The following CHCHD3 variants were observed in gnomAD, a reference collection of about 807,000 sequenced individuals.
CHCHD3 encodes coiled-coil-helix-coiled-coil-helix domain containing 3.
In CHCHD3, 20 loss-of-function variants were observed where a neutral mutation model predicts 38.2. That is an observed-to-expected ratio of 0.52 (90% CI 0.37 to 0.76). The LOEUF (loss-of-function observed/expected upper bound fraction) is 0.76, where lower values mean the gene tolerates loss of function less well. Ranked by LOEUF, CHCHD3 falls within the 30% of genes least tolerant of loss-of-function variation. The probability of loss-of-function intolerance (pLI) is 0.00; values close to 1 mark genes in which losing one functional copy is unlikely to be tolerated. For synonymous variants in CHCHD3, 82 were observed against 100.0 expected (o/e 0.82, Z 1.07); for missense variants, 245 against 279.2 (o/e 0.88, Z 0.87).
At chr7:133,034,626 T>G (rs751373055) in intron 2 of CHCHD3, 2 of 1,601,446 alleles carry the variant, frequency 1.2e-6, no homozygotes, top group Non-Finnish European at 1.7e-6. Flanking sequence ...GATCTTGCCG[T>G]GATTGAAGGC....
At chr7:132,992,456 A>G (rs1812308293) in intron 3 of CHCHD3, among the ~76,000 whole-genome samples, 1 of 151,818 alleles carries the variant, frequency 6.6e-6, no homozygotes, top group Admixed American at 6.5e-5. Flanking sequence ...TTTAACAACT[A>G]CCTCTTCCCA....
intron 4 of CHCHD3, chr7:132,974,095 T>G: frequency 8.6e-7 from 1 of 1,157,796 alleles, no homozygotes; most frequent in Non-Finnish European, 1.1e-6. Flanking sequence ...TATTCAGCCA[T>G]TAAAAACTAC....
intron 4 of CHCHD3, among the ~76,000 whole-genome samples, chr7:132,899,293 G>GGGAA (rs1809604139): frequency 1.3e-5 from 2 of 152,320 alleles, no homozygotes; most frequent in African/African-American, 4.8e-5. Flanking sequence ...AGCAACAGGA[G>GGGAA]GGAAGGAAGG....
At chr7:132,795,616 G>A (rs1806588762) in intron 7 of CHCHD3, among the ~76,000 whole-genome samples, 1 of 152,196 alleles carries the variant, frequency 6.6e-6, no homozygotes, top group Non-Finnish European at 1.5e-5. Context: ...TTAGACTGCA[G>A]AAAGGCATGC....
At chr7:132,897,950 G>A (rs1311100851) in intron 4 of CHCHD3, among the ~76,000 whole-genome samples, 1 of 152,098 alleles carries the variant, frequency 6.6e-6, no homozygotes, top group Non-Finnish European at 1.5e-5. Context: ...AGATGTGTTC[G>A]GAGTTTCTTC....
chr7:132,827,768 A>ATGTTCTGTTTTG (rs1807542476), intron 6 of CHCHD3, among the ~76,000 whole-genome samples: 1 of 152,192 alleles, frequency 6.6e-6, no homozygotes, highest in South Asian at 2.1e-4. Context: ...TAAATGAACC[A>ATGTTCTGTTTTG]CATAGGAAGT....
chr7:132,955,563 T>C (rs933266022), intron 4 of CHCHD3, among the ~76,000 whole-genome samples: 3 of 151,756 alleles, frequency 2.0e-5, no homozygotes, highest in African/African-American at 7.3e-5. Context: ...TTAATGTGAT[T>C]AACATTTAAA....
chr7:133,028,956 C>T (rs1487478956), intron 2 of CHCHD3, among the ~76,000 whole-genome samples: 3 of 151,798 alleles, frequency 2.0e-5, no homozygotes, highest in African/African-American at 7.3e-5. Context: ...CCCCTCACCA[C>T]GTGATGCCCC....
chr7:132,896,258 T>C (rs1809492743), intron 4 of CHCHD3, among the ~76,000 whole-genome samples: 1 of 152,238 alleles, frequency 6.6e-6, no homozygotes, highest in Admixed American at 6.5e-5. Flanking sequence ...CTATCACATA[T>C]AAGACTTTGA....
At chr7:132,886,644 G>A (rs2117177188) in intron 4 of CHCHD3, among the ~76,000 whole-genome samples, 1 of 150,528 alleles carries the variant, frequency 6.6e-6, no homozygotes, top group Non-Finnish European at 1.5e-5. Flanking sequence ...ATATATATGT[G>A]TATATATGTA....
intron 3 of CHCHD3, among the ~76,000 whole-genome samples, chr7:132,997,659 T>TAAAAAAAAAAAA (rs71178073): frequency 1.3e-4 from 11 of 81,774 alleles, no homozygotes; most frequent in African/African-American, 1.9e-4. Flanking sequence ...AACAGGGTTG[T>TAAAAAAAAAAAA]AAAAAAAAAA....
chr7:132,993,741 C>T (rs769058076), intron 3 of CHCHD3, among the ~76,000 whole-genome samples: 8 of 152,162 alleles, frequency 5.3e-5, no homozygotes, highest in Non-Finnish European at 1.0e-4. Context: ...CCCACCCAAA[C>T]CAGTTGACAG....
At chr7:132,868,493 G>T (rs1231625019) in intron 5 of CHCHD3, among the ~76,000 whole-genome samples, 1 of 152,106 alleles carries the variant, frequency 6.6e-6, no homozygotes, top group Non-Finnish European at 1.5e-5. Flanking sequence ...TTTCTGAGCT[G>T]GCCAACATAT....
chr7:133,027,438 GAGGGA>G (rs1749444560), intron 2 of CHCHD3, among the ~76,000 whole-genome samples: 3 of 130,460 alleles, frequency 2.3e-5, no homozygotes, highest in African/African-American at 8.8e-5. Flanking sequence ...GGAAGGGAGG[GAGGGA>G]GGGAGGGGGG....
chr7:133,073,257 G>A (rs1814880186), intron 1 of CHCHD3, among the ~76,000 whole-genome samples: 1 of 152,000 alleles, frequency 6.6e-6, no homozygotes. Context: ...CTCTTTTGCA[G>A]CTTCCCCTCT....
intron 4 of CHCHD3, among the ~76,000 whole-genome samples, chr7:132,910,126 C>T (rs1809905131): frequency 6.6e-6 from 1 of 152,196 alleles, no homozygotes; most frequent in African/African-American, 2.4e-5. Flanking sequence ...ACAAGTTCTG[C>T]AGGGCCAACT....
chr7:133,016,898 C>T (rs1214110050), intron 3 of CHCHD3, among the ~76,000 whole-genome samples: 1 of 152,210 alleles, frequency 6.6e-6, no homozygotes, highest in African/African-American at 2.4e-5. Context: ...CCCATAAACA[C>T]GGACTTCCGG....
chr7:132,832,885 T>G lies in CHCHD3; in HGVS notation c.524+5514A>C, dbSNP rs1807684594. ...ACATGCTATTCTATCATGAGTGCTTTATGTGCCGGTCATCCTGGCTAGAGT... is the reference window on the plus strand; with the variant it reads ...ACATGCTATTCTATCATGAGTGCTTGATGTGCCGGTCATCCTGGCTAGAGT... On this transcript the variant is annotated intron_variant, in intron 6 of 7. Coordinates refer to ENST00000262570, the MANE Select transcript of CHCHD3 (RefSeq NM_017812.4). Among the ~76,000 whole-genome samples the G allele has an allele frequency of 1.3e-5, 2 of 152,200 alleles. 1 individual carries two copies. The highest frequency in any genetic ancestry group is 1.3e-4 in the Admixed American group (2 of 15,276).
chr7:132,801,066 T>C (rs1806780335), intron 6 of CHCHD3, among the ~76,000 whole-genome samples: 1 of 152,216 alleles, frequency 6.6e-6, no homozygotes, highest in South Asian at 2.1e-4. Context: ...GGATTTCTGC[T>C]TTTCTTTTAA....
Sources: allele counts gnomAD v4.1 joint callset (sites outside exome capture counted in the v4.1 genomes callset), GRCh38; gene constraint gnomAD v4.1.1; transcripts MANE v1.5; gene names NCBI Gene and HGNC (gene_info 2026-07-23, HGNC 2026-07-21).